Variants in FRMD4B observed in about 807,000 individuals in gnomAD.
FRMD4B encodes the protein FERM domain-containing protein 4B.
Under a neutral mutation model 141.5 loss-of-function variants are expected in FRMD4B, and 74 were observed. The observed-to-expected ratio is 0.52, with a 90% CI of 0.43 to 0.63. The LOEUF is 0.63. Ranked by LOEUF, FRMD4B falls within the 30% of genes least tolerant of loss-of-function variation. FRMD4B has a pLI of 0.00. For synonymous variants in FRMD4B, 506 were observed against 467.9 expected (o/e 1.08, Z -1.05); for missense variants, 1,366 against 1,253.4 (o/e 1.09, Z -1.36).
chr3:69,291,295 A>G (rs1700863824), intron 4 of FRMD4B, among the ~76,000 whole-genome samples: 1 of 152,204 alleles, frequency 6.6e-6, no homozygotes, highest in Non-Finnish European at 1.5e-5. Flanking sequence ...TGTATTAAAA[A>G]CACGGGGTCA....
intron 1 of FRMD4B, among the ~76,000 whole-genome samples, chr3:69,447,744 T>A (rs903122817): frequency 2.0e-5 from 3 of 152,232 alleles, no homozygotes; most frequent in Non-Finnish European, 4.4e-5. Flanking sequence ...ATCTGCTCTC[T>A]GACATTACGT....
chr3:69,430,415 C>G (rs1223240108), intron 2 of FRMD4B, among the ~76,000 whole-genome samples: 1 of 152,172 alleles, frequency 6.6e-6, no homozygotes, highest in Non-Finnish European at 1.5e-5. Context: ...TCCTGCCTAC[C>G]TGGGTCTAAC....
At chr3:69,221,048 C>T (rs544923161) in intron 9 of FRMD4B, among the ~76,000 whole-genome samples, 4 of 152,014 alleles carry the variant, frequency 2.6e-5, no homozygotes, top group Non-Finnish European at 5.9e-5. Context: ...CTGCAACATC[C>T]GCCTCCCTGG....
intron 1 of FRMD4B, among the ~76,000 whole-genome samples, chr3:69,472,935 T>C (rs1484804503): frequency 8.5e-6 from 1 of 118,142 alleles, no homozygotes; most frequent in African/African-American, 3.6e-5. Context: ...CTTTTTTTTT[T>C]TTCTTTTTTT....
At chr3:69,331,010 G>A (rs930108953) in intron 1 of FRMD4B, among the ~76,000 whole-genome samples, 3 of 151,970 alleles carry the variant, frequency 2.0e-5, no homozygotes, top group East Asian at 1.9e-4. Context: ...TCTCAGTTCC[G>A]TTCTGCCTCC....
At chr3:69,434,280 T>C (rs994960440) in intron 1 of FRMD4B, among the ~76,000 whole-genome samples, 5 of 152,228 alleles carry the variant, frequency 3.3e-5, no homozygotes, top group Admixed American at 2.6e-4. Context: ...CTACTATTTG[T>C]TAAGTGTCCA....
At chr3:69,480,627 G>A (rs143653667) in intron 1 of FRMD4B, among the ~76,000 whole-genome samples, 16,764 of 152,154 alleles carry the variant, frequency 0.11, 1,025 homozygotes, top group South Asian at 0.19. Context: ...ACTGGGAGGC[G>A]CCTCCCAGTT....
intron 2 of FRMD4B, among the ~76,000 whole-genome samples, chr3:69,429,259 G>A (rs1404910630): frequency 6.6e-6 from 1 of 152,160 alleles, no homozygotes; most frequent in Non-Finnish European, 1.5e-5. Context: ...CAGTTTATCT[G>A]GAAGATAAAT....
intron 13 of FRMD4B, 140 bp downstream of exon 13, chr3:69,196,760 C>A (rs2092910135): frequency 1.5e-6 from 1 of 650,930 alleles, no homozygotes; most frequent in Non-Finnish European, 2.6e-6. Flanking sequence ...TATAAAAAAC[C>A]TGAAATAGTT....
At chr3:69,214,750 T>A (rs1427871415) in intron 11 of FRMD4B, among the ~76,000 whole-genome samples, 2 of 152,020 alleles carry the variant, frequency 1.3e-5, no homozygotes, top group African/African-American at 2.4e-5. Flanking sequence ...TAGTCCAAGC[T>A]ACTTGGGAGG....
chr3:69,216,633 T>C (rs539084848), intron 10 of FRMD4B, among the ~76,000 whole-genome samples: 2 of 152,160 alleles, frequency 1.3e-5, no homozygotes, highest in East Asian at 3.9e-4. Flanking sequence ...GGTTTCACTA[T>C]GTTGGCTAGG....
intron 17 of FRMD4B, among the ~76,000 whole-genome samples, chr3:69,190,859 GC>G (rs2092827956): frequency 6.6e-6 from 1 of 152,164 alleles, no homozygotes; most frequent in East Asian, 1.9e-4. Flanking sequence ...TCTTGGTTTT[GC>G]CATTTATCGA....
At chr3:69,368,756 C>T (rs1167085103) in intron 1 of FRMD4B, among the ~76,000 whole-genome samples, 2 of 152,186 alleles carry the variant, frequency 1.3e-5, no homozygotes, top group African/African-American at 4.8e-5. Flanking sequence ...CTCCTGGGCT[C>T]AAGCAATCCT....
At chr3:69,483,214 C>T (rs960659373) in intron 1 of FRMD4B, among the ~76,000 whole-genome samples, 5 of 152,174 alleles carry the variant, frequency 3.3e-5, no homozygotes, top group Non-Finnish European at 5.9e-5. Flanking sequence ...AAAAGGAAGA[C>T]TCCATGTTCC....
At chr3:69,324,164 G>A (rs1412988013) in intron 1 of FRMD4B, among the ~76,000 whole-genome samples, 1 of 152,180 alleles carries the variant, frequency 6.6e-6, no homozygotes, top group Non-Finnish European at 1.5e-5. Flanking sequence ...ATCTCCACCT[G>A]TTGGGATGCT....
At chr3:69,267,530 A>G (rs1000409359) in intron 5 of FRMD4B, among the ~76,000 whole-genome samples, 13 of 150,790 alleles carry the variant, frequency 8.6e-5, no homozygotes, top group Admixed American at 3.3e-4. Context: ...CACACCCAGC[A>G]CCTATATAGG....
At chr3:69,268,526 G>C (rs928921557) in intron 5 of FRMD4B, among the ~76,000 whole-genome samples, 1 of 151,942 alleles carries the variant, frequency 6.6e-6, no homozygotes, top group African/African-American at 2.4e-5. Flanking sequence ...ACGCACCCTG[G>C]CACCAATGTA....
intron 21 of FRMD4B, among the ~76,000 whole-genome samples, chr3:69,177,100 A>G (rs9872489): frequency 0.89 from 135,403 of 152,186 alleles, 61,770 homozygotes; most frequent in Non-Finnish European, 0.99. Flanking sequence ...CACTTTGGGA[A>G]GCCGAGGCGG....
chr3:69,323,610 A>ATGTGTG (rs1236629030), intron 1 of FRMD4B, among the ~76,000 whole-genome samples: 1 of 11,412 alleles, frequency 8.8e-5, no homozygotes, highest in African/African-American at 6.0e-4. Context: ...CTCTCTGTGT[A>ATGTGTG]TATATATATA....
Sources: allele counts gnomAD v4.1 joint callset (sites outside exome capture counted in the v4.1 genomes callset), GRCh38; gene constraint gnomAD v4.1.1; transcripts MANE v1.5; gene names NCBI Gene and HGNC (gene_info 2026-07-23, HGNC 2026-07-21).